The following RORB variants were observed in gnomAD, a reference collection of about 807,000 sequenced individuals.
RORB encodes nuclear receptor ROR-beta.
A neutral mutation model predicts 59.1 loss-of-function variants in RORB; 6 were observed. That is an observed-to-expected ratio of 0.10 (90% CI 0.06 to 0.20). RORB has a LOEUF of 0.20. Among genes scored for constraint, RORB ranks in the 10% least tolerant of loss-of-function variants. The pLI, the probability that RORB is intolerant of heterozygous loss-of-function variation, is 1.00. For synonymous variants in RORB, 215 were observed against 204.5 expected (o/e 1.05, Z -0.44); for missense variants, 320 against 560.5 (o/e 0.57, Z 4.33).
intron 4 of RORB, 67 bp from the exon 5 acceptor site, chr9:74,660,550 C>T: frequency 6.9e-7 from 1 of 1,454,190 alleles, no homozygotes; most frequent in Non-Finnish European, 9.3e-7. Context: ...TTATAGTAAA[C>T]ACATTAAAAG....
intron 1 of RORB, among the ~76,000 whole-genome samples, chr9:74,532,457 C>A (rs1476379799): frequency 6.6e-6 from 1 of 151,934 alleles, no homozygotes; most frequent in Non-Finnish European, 1.5e-5. Context: ...CTATACTCTA[C>A]ATTGCTGCTT....
At chr9:74,583,127 G>T (rs1184335482) in intron 1 of RORB, among the ~76,000 whole-genome samples, 1 of 152,106 alleles carries the variant, frequency 6.6e-6, no homozygotes, top group Non-Finnish European at 1.5e-5. Context: ...TTCCCCAAAA[G>T]TCTGCAAGGC....
At chr9:74,531,232 GA>G (rs1159973091) in intron 1 of RORB, among the ~76,000 whole-genome samples, 1 of 151,914 alleles carries the variant, frequency 6.6e-6, no homozygotes. Context: ...GGATTTCACT[GA>G]TTATTGTATC....
intron 1 of RORB, among the ~76,000 whole-genome samples, chr9:74,500,148 G>A (rs745587797): frequency 2.0e-5 from 3 of 152,156 alleles, no homozygotes; most frequent in Non-Finnish European, 4.4e-5. Flanking sequence ...GGCGCCCTAG[G>A]ACCCCTTACA....
At chr9:74,589,200 G>T (rs934076444) in intron 1 of RORB, among the ~76,000 whole-genome samples, 13 of 152,240 alleles carry the variant, frequency 8.5e-5, no homozygotes, top group African/African-American at 3.1e-4. Flanking sequence ...TAGTAATTTT[G>T]CAAATAGACA....
chr9:74,683,917 A>G (rs757659578), intron 9 of RORB, among the ~76,000 whole-genome samples: 35 of 152,206 alleles, frequency 2.3e-4, no homozygotes, highest in Non-Finnish European at 3.4e-4. Context: ...TAGGCATGCA[A>G]TTCCTTGTGG....
chr9:74,602,950 A>G (rs903095132), intron 1 of RORB, among the ~76,000 whole-genome samples: 4 of 152,218 alleles, frequency 2.6e-5, no homozygotes, highest in African/African-American at 9.6e-5. Context: ...TAACTAGCTC[A>G]TGTAACTAGC....
intron 9 of RORB, among the ~76,000 whole-genome samples, chr9:74,683,770 T>G (rs906714392): frequency 1.3e-5 from 2 of 152,164 alleles, no homozygotes; most frequent in African/African-American, 4.8e-5. Context: ...GCTATTCTTC[T>G]TTGGCACTCA....
In RORB at chr9:74,642,781, G is replaced by A; in HGVS notation, c.603G>A (p.Gly201=). The A allele has an allele frequency of 1.2e-6, 2 of 1,607,410 alleles. No individual in the cohort carries two copies. The highest frequency in any genetic ancestry group is 8.5e-7 in the Non-Finnish European group (1 of 1,175,026). ...NLFTYSSFNN[G]QLAPGITMTE... ...TTACCTATAGCTCTTTCAACAATGG[G>A]CAGTTAGCACCAGGGATAACCATGA... The change falls in exon 4 of 10, where the codon GGG becomes GGA. Residue 201 remains glycine, a synonymous_variant. Coordinates refer to ENST00000376896, the MANE Select transcript of RORB (RefSeq NM_006914.4).
At chr9:74,509,510 T>C (rs766071528) in intron 1 of RORB, among the ~76,000 whole-genome samples, 1 of 152,090 alleles carries the variant, frequency 6.6e-6, no homozygotes, top group African/African-American at 2.4e-5. Context: ...CTTCATTCAA[T>C]AGCCAACATG....
At chr9:74,539,087 C>T (rs893655913) in intron 1 of RORB, among the ~76,000 whole-genome samples, 1 of 152,140 alleles carries the variant, frequency 6.6e-6, no homozygotes, top group Non-Finnish European at 1.5e-5. Flanking sequence ...AAAAGCTGAA[C>T]TCAAGTTCAT....
intron 1 of RORB, among the ~76,000 whole-genome samples, chr9:74,541,499 G>A (rs766566940): frequency 9.9e-5 from 15 of 152,072 alleles, no homozygotes; most frequent in South Asian, 4.2e-4. Flanking sequence ...GTAAACAGCC[G>A]TCTTATCCTC....
At chr9:74,640,702 C>A (rs147946457) in intron 3 of RORB, among the ~76,000 whole-genome samples, 2 of 152,156 alleles carry the variant, frequency 1.3e-5, no homozygotes, top group Non-Finnish European at 2.9e-5. Flanking sequence ...CCCAATACCC[C>A]CAAGTGAATG....
chr9:74,519,273 T>G (rs1398262750), intron 1 of RORB, among the ~76,000 whole-genome samples: 1 of 152,006 alleles, frequency 6.6e-6, no homozygotes, highest in Admixed American at 6.6e-5. Context: ...AGTTGGAGTG[T>G]GCACACGCAT....
intron 1 of RORB, among the ~76,000 whole-genome samples, chr9:74,598,548 A>C (rs1334371893): frequency 6.6e-6 from 1 of 152,180 alleles, no homozygotes; most frequent in Non-Finnish European, 1.5e-5. Context: ...TGTGGGTACA[A>C]AGTTGTGTTA....
intron 1 of RORB, among the ~76,000 whole-genome samples, chr9:74,617,855 C>A (rs2118375409): frequency 6.6e-6 from 1 of 152,218 alleles, no homozygotes; most frequent in African/African-American, 2.4e-5. Flanking sequence ...TGGGTAAAGA[C>A]AAACTAAACT....
intron 1 of RORB, among the ~76,000 whole-genome samples, chr9:74,593,943 A>C (rs1211959869): frequency 1.3e-5 from 2 of 152,236 alleles, no homozygotes; most frequent in Non-Finnish European, 2.9e-5. Flanking sequence ...GTCTTCACAA[A>C]AAGTTAACTC....
At chr9:74,566,148 G>A (rs767063862) in intron 1 of RORB, among the ~76,000 whole-genome samples, 5 of 152,058 alleles carry the variant, frequency 3.3e-5, no homozygotes, top group Non-Finnish European at 7.4e-5. Flanking sequence ...ACGATGAAAG[G>A]AAGAGTGAGG....
At chr9:74,610,955 T>C (rs34681215) in intron 1 of RORB, among the ~76,000 whole-genome samples, 1 of 152,182 alleles carries the variant, frequency 6.6e-6, no homozygotes, top group Non-Finnish European at 1.5e-5. Flanking sequence ...AGAACCTCCG[T>C]GGGATGGTTT....
Sources: gnomAD v4.1 joint callset for allele counts (sites outside exome capture counted in the v4.1 genomes callset) on GRCh38, gnomAD v4.1.1 for gene constraint, MANE v1.5 for transcripts, NCBI Gene and HGNC (gene_info 2026-07-23, HGNC 2026-07-21) for gene names.